TRHDE: variants seen among roughly 807,000 people sequenced by gnomAD.
TRHDE encodes thyrotropin releasing hormone degrading enzyme.
TRHDE carries 72 observed loss-of-function variants against 125.7 expected under a neutral mutation model. That is an observed-to-expected ratio of 0.57 (90% CI 0.47 to 0.70). TRHDE has a LOEUF of 0.70. Among genes scored for constraint, TRHDE ranks in the 30% least tolerant of loss-of-function variants. The pLI is 0.00. For missense variants in TRHDE, 1,110 were observed against 1,327.1 expected, an observed-to-expected ratio of 0.84 and a Z score of 2.54; for synonymous variants, 509 against 509.1, an observed-to-expected ratio of 1.00 and a Z score of 0.00.
At chr12:72,656,851 C>A in intron 17 of TRHDE, 76 bp from the exon 18 acceptor site, 1 of 1,029,352 alleles carries the variant, frequency 9.7e-7, no homozygotes, top group Non-Finnish European at 1.5e-6. Flanking sequence ...CTTGAGAAAA[C>A]TCTAAAAAAT....
chr12:72,117,942 AT>A (rs972128476), intron 2 of TRHDE, among the ~76,000 whole-genome samples: 4 of 146,466 alleles, frequency 2.7e-5, no homozygotes, highest in African/African-American at 7.5e-5. Context: ...ACTTTACTGC[AT>A]TTTTTTTTCA....
rs140452254 is a variant in TRHDE at position 72,455,685 on chromosome 12, G to A, written c.1316-14073G>A. ...AGGGTGGTAGAGATCAGTATGTCAG[G>A]TTTAAAACAGTCTGAGATGTTAGAA... On this transcript the variant is annotated intron_variant, in intron 3 of 18. Transcript: ENST00000261180. Among the ~76,000 whole-genome samples, 14 of 152,196 alleles carry A rather than the reference G, an allele frequency of 9.2e-5. No individual in the cohort carries two copies. The East Asian group carries it at 2.3e-3, about 25-fold the overall frequency.
chr12:72,384,550 A>C (rs1872330675), intron 3 of TRHDE, among the ~76,000 whole-genome samples: 1 of 152,176 alleles, frequency 6.6e-6, no homozygotes, highest in African/African-American at 2.4e-5. Flanking sequence ...TTTTTACTTC[A>C]TGCCAGACCA....
At chr12:72,206,386 C>A (rs1381447919) in intron 2 of TRHDE, among the ~76,000 whole-genome samples, 3 of 152,200 alleles carry the variant, frequency 2.0e-5, no homozygotes, top group South Asian at 4.1e-4. Flanking sequence ...AGCCACCACA[C>A]CCAGCAGGAC....
chr12:72,214,513 T>G (rs1877845784), intron 2 of TRHDE, among the ~76,000 whole-genome samples: 1 of 152,216 alleles, frequency 6.6e-6, no homozygotes, highest in Non-Finnish European at 1.5e-5. Flanking sequence ...TATTTTGAAG[T>G]GCTGGCTCAC....
chr12:72,644,262 T>G (rs957559895), intron 15 of TRHDE, among the ~76,000 whole-genome samples: 1 of 151,884 alleles, frequency 6.6e-6, no homozygotes, highest in Non-Finnish European at 1.5e-5. Context: ...GAAAGAGAAT[T>G]CCTCCTCCCG....
chr12:72,456,128 TACACACACACACACACACAC>T (rs58045175), intron 3 of TRHDE, among the ~76,000 whole-genome samples: 22 of 134,796 alleles, frequency 1.6e-4, no homozygotes, highest in African/African-American at 3.3e-4. Flanking sequence ...AATATGTAAT[TACACACACACACACACACAC>T]ACACACACAC....
intron 3 of TRHDE, among the ~76,000 whole-genome samples, chr12:72,430,719 C>A (rs1264705795): frequency 1.3e-5 from 2 of 151,748 alleles, no homozygotes; most frequent in Non-Finnish European, 2.9e-5. Context: ...TTTTCATGGT[C>A]ATTTTGGCAA....
chr12:72,579,361 A>G (rs1050201311), intron 12 of TRHDE, among the ~76,000 whole-genome samples: 2 of 152,098 alleles, frequency 1.3e-5, no homozygotes, highest in African/African-American at 4.8e-5. Context: ...GTTAAAAAGA[A>G]GTTGTGCATC....
At chr12:72,257,335 A>C (rs1482997201) in intron 2 of TRHDE, 3 of 152,176 alleles carry the variant, frequency 2.0e-5, no homozygotes, top group African/African-American at 7.2e-5. Flanking sequence ...AAAACTATTA[A>C]AAATATTATA....
At chr12:72,605,367 G>T (rs1480797686) in intron 12 of TRHDE, among the ~76,000 whole-genome samples, 1 of 151,954 alleles carries the variant, frequency 6.6e-6, no homozygotes, top group East Asian at 1.9e-4. Context: ...TATACTCCTT[G>T]CGACTCAATG....
intron 15 of TRHDE, among the ~76,000 whole-genome samples, chr12:72,645,387 A>G (rs1447614251): frequency 6.6e-6 from 1 of 152,198 alleles, no homozygotes; most frequent in African/African-American, 2.4e-5. Context: ...TTGATCAGCA[A>G]CCTTAAAGAC....
chr12:72,501,515 C>T (rs1878154808), intron 6 of TRHDE, among the ~76,000 whole-genome samples: 1 of 151,970 alleles, frequency 6.6e-6, no homozygotes, highest in African/African-American at 2.4e-5. Context: ...TAATGTTAGA[C>T]TATCTTTGCA....
chr12:72,213,861 A>C (rs1201528713), intron 2 of TRHDE, among the ~76,000 whole-genome samples: 1 of 152,104 alleles, frequency 6.6e-6, no homozygotes, highest in Non-Finnish European at 1.5e-5. Flanking sequence ...ACTGAGGGGG[A>C]AAATGAGCTT....
At position 72,664,843 on chromosome 12, in the gene TRHDE, A is replaced by G. The variant is rs1875056275; in HGVS notation, c.*1648A>G. ...AGTAGAAAAGAGGAGCTATTTCCGAATCTATAGAATAAAGTACCACCTAAA... is the reference window on the plus strand; with the variant it reads ...AGTAGAAAAGAGGAGCTATTTCCGAGTCTATAGAATAAAGTACCACCTAAA... On this transcript the variant is annotated 3_prime_UTR_variant, in exon 19 of 19. Coordinates refer to ENST00000261180, the MANE Select transcript of TRHDE (RefSeq NM_013381.3). The G allele has an allele frequency of 6.6e-6, 1 of 152,070 alleles. No homozygotes were observed. The highest frequency in any genetic ancestry group is 1.5e-5 in the Non-Finnish European group (1 of 67,986). 9.4% of individuals were successfully genotyped at this position (152,070 alleles called of 1,614,324 possible). A position where few individuals can be genotyped will look rare whatever the true frequency, so the allele number is the denominator to read the frequency against.
intron 6 of TRHDE, among the ~76,000 whole-genome samples, chr12:72,519,918 C>G (rs190958166): frequency 1.1e-4 from 17 of 152,240 alleles, no homozygotes; most frequent in African/African-American, 4.1e-4. Context: ...AGGTGTCAGT[C>G]TGCTGCTAGG....
intron 2 of TRHDE, chr12:72,147,699 G>A (rs1485418141): frequency 6.6e-6 from 1 of 152,194 alleles, no homozygotes; most frequent in Non-Finnish European, 1.5e-5. Flanking sequence ...CATCATTGAA[G>A]GTCATGGTAA....
intron 2 of TRHDE, among the ~76,000 whole-genome samples, chr12:72,110,813 CTG>C (rs1875298576): frequency 6.6e-6 from 1 of 152,046 alleles, no homozygotes; most frequent in African/African-American, 2.4e-5. Flanking sequence ...CTAGCAGAAA[CTG>C]TTGTTTTGTA....
At chr12:72,411,904 A>G (rs1873527464) in intron 3 of TRHDE, among the ~76,000 whole-genome samples, 1 of 152,162 alleles carries the variant, frequency 6.6e-6, no homozygotes, top group South Asian at 2.1e-4. Flanking sequence ...AATAAATAAT[A>G]CTAGACCATT....
Sources: allele counts gnomAD v4.1 joint callset (sites outside exome capture counted in the v4.1 genomes callset), GRCh38; gene constraint gnomAD v4.1.1; transcripts MANE v1.5; gene names NCBI Gene and HGNC (gene_info 2026-07-23, HGNC 2026-07-21).